USO1: variants seen among roughly 807,000 people sequenced by gnomAD.
USO1 encodes the protein general vesicular transport factor p115.
A neutral mutation model predicts 124.5 loss-of-function variants in USO1; 57 were observed. That is an observed-to-expected ratio of 0.46 (90% CI 0.37 to 0.57). The LOEUF is 0.57. Ranked by LOEUF, USO1 falls within the 20% of genes least tolerant of loss-of-function variation. The pLI, the probability that USO1 is intolerant of heterozygous loss-of-function variation, is 0.00. For missense variants in USO1, 900 were observed against 1,040.6 expected (o/e 0.86, Z 1.86); for synonymous variants, 369 against 362.8 (o/e 1.02, Z -0.19).
At chr4:75,764,337 A>G (rs1309173513) in intron 4 of USO1, among the ~76,000 whole-genome samples, 2 of 152,182 alleles carry the variant, frequency 1.3e-5, no homozygotes, top group African/African-American at 4.8e-5. Flanking sequence ...TAGTTAAATA[A>G]ACATAAATAC....
intron 21 of USO1, among the ~76,000 whole-genome samples, chr4:75,809,720 A>G (rs1184980855): frequency 1.3e-5 from 2 of 152,188 alleles, no homozygotes; most frequent in Non-Finnish European, 2.9e-5. Context: ...TATTTCTGCC[A>G]GCATTCTTCT....
chr4:75,777,462 C>G (rs1314510363), intron 8 of USO1, among the ~76,000 whole-genome samples: 1 of 152,070 alleles, frequency 6.6e-6, no homozygotes, highest in Non-Finnish European at 1.5e-5. Flanking sequence ...GGACTTGTAT[C>G]TAAAATATAT....
intron 8 of USO1, among the ~76,000 whole-genome samples, chr4:75,779,599 G>A (rs189688045): frequency 2.3e-4 from 35 of 152,318 alleles, no homozygotes; most frequent in East Asian, 1.9e-3. Context: ...CCAGAGTGAC[G>A]CCCTGACTCT....
At chr4:75,784,125 A>G (rs2149176603) in intron 9 of USO1, among the ~76,000 whole-genome samples, 1 of 152,294 alleles carries the variant, frequency 6.6e-6, no homozygotes, top group Non-Finnish European at 1.5e-5. Flanking sequence ...GGCTCAAGAA[A>G]TCCCCCCACC....
chr4:75,771,763 C>T (rs1721940536), intron 7 of USO1, among the ~76,000 whole-genome samples: 1 of 152,142 alleles, frequency 6.6e-6, no homozygotes. Context: ...TTTATATTTG[C>T]ATATAAGTTT....
At chr4:75,795,798 TATA>T (rs1254700715) in intron 13 of USO1, among the ~76,000 whole-genome samples, 1 of 152,204 alleles carries the variant, frequency 6.6e-6, no homozygotes, top group East Asian at 1.9e-4. Flanking sequence ...CAATAGTAAG[TATA>T]ATTTTATAAT....
chr4:75,808,146 G>A (rs1723046959), intron 20 of USO1, among the ~76,000 whole-genome samples: 1 of 152,192 alleles, frequency 6.6e-6, no homozygotes, highest in South Asian at 2.1e-4. Context: ...CTCCTGCTGA[G>A]AGCCATTGTT....
intron 4 of USO1, chr4:75,767,574 C>G: frequency 3.6e-6 from 1 of 277,496 alleles, no homozygotes; most frequent in Non-Finnish European, 7.2e-6. Flanking sequence ...GAAACCCCAT[C>G]TATACTAAAC....
At chr4:75,757,617 C>T in intron 4 of USO1, 44 bp downstream of exon 4, 2 of 1,352,752 alleles carry the variant, frequency 1.5e-6, no homozygotes, top group Non-Finnish European at 1.9e-6. Context: ...TACTTAAAAC[C>T]AACTGGGTTG....
intron 1 of USO1, among the ~76,000 whole-genome samples, chr4:75,747,588 A>C (rs1721160393): frequency 7.0e-6 from 1 of 141,866 alleles, no homozygotes; most frequent in African/African-American, 2.6e-5. Context: ...AGTTGTTCTT[A>C]TATTCACCTT....
intron 17 of USO1, among the ~76,000 whole-genome samples, chr4:75,803,846 T>C (rs1722920528): frequency 6.6e-6 from 1 of 152,112 alleles, no homozygotes; most frequent in African/African-American, 2.4e-5. Flanking sequence ...TTAAATGGTT[T>C]TATGACCATA....
intron 1 of USO1, among the ~76,000 whole-genome samples, chr4:75,737,119 G>A (rs1302161221): frequency 1.3e-5 from 2 of 152,168 alleles, no homozygotes; most frequent in Non-Finnish European, 2.9e-5. Flanking sequence ...ATTTAATGTA[G>A]TGGGAAAGCA....
rs566395957 is a variant in USO1, at chr4:75,774,782, G to A, written c.662G>A (p.Gly221Glu). The change falls in exon 8 of 24, where the codon GGG becomes GAG. Residue 221 changes from glycine to glutamate, a missense_variant. Physicochemically the swap from Gly to Glu is moderately conservative, Grantham distance 98. Transcript: ENST00000514213. ...ERLLDIISEE[G>E]NSDGGIVVED... is the part of the protein sequence containing the mutation. ...CTACTGGACATTATTTCAGAGGAGG[G>A]GAACAGTGATGGAGGTATAGTATGA... 6 of 1,613,318 alleles carry A rather than the reference G, an allele frequency of 3.7e-6. No individual in the cohort carries two copies. Among genetic ancestry groups the A allele is most frequent in the African/African-American group, 2.7e-5 (2 of 74,970 alleles).
intron 8 of USO1, among the ~76,000 whole-genome samples, chr4:75,776,041 C>T (rs898548171): frequency 6.6e-6 from 1 of 152,140 alleles, no homozygotes; most frequent in Non-Finnish European, 1.5e-5. Context: ...AGAAAGAAGA[C>T]TTTGAGCAAG....
intron 1 of USO1, among the ~76,000 whole-genome samples, chr4:75,727,277 A>T (rs1298544960): frequency 6.6e-6 from 1 of 152,212 alleles, no homozygotes; most frequent in Admixed American, 6.5e-5. Flanking sequence ...GCCACTGTGG[A>T]TGGAACAACA....
At chr4:75,788,718 A>G (rs6853135) in intron 10 of USO1, among the ~76,000 whole-genome samples, 3 of 151,268 alleles carry the variant, frequency 2.0e-5, no homozygotes, top group South Asian at 4.2e-4. Context: ...AATTTTTTGT[A>G]TTTTTAGTAG....
At chr4:75,739,803 A>G (rs1720906048) in intron 1 of USO1, among the ~76,000 whole-genome samples, 1 of 151,922 alleles carries the variant, frequency 6.6e-6, no homozygotes, top group Non-Finnish European at 1.5e-5. Context: ...TCAGCTTCCC[A>G]AAGTGCTGGG....
intron 1 of USO1, among the ~76,000 whole-genome samples, chr4:75,730,292 A>G (rs1720592604): frequency 6.6e-6 from 1 of 152,188 alleles, no homozygotes; most frequent in South Asian, 2.1e-4. Context: ...ATGTCCATGA[A>G]AAAAATTTTG....
intron 1 of USO1, chr4:75,744,740 T>G (rs1721072523): frequency 4.1e-6 from 1 of 241,426 alleles, no homozygotes; most frequent in Non-Finnish European, 8.3e-6. Flanking sequence ...TTGTTTTTTA[T>G]TATAAAAGTA....
Sources: allele counts gnomAD v4.1 joint callset (sites outside exome capture counted in the v4.1 genomes callset), GRCh38; gene constraint gnomAD v4.1.1; transcripts MANE v1.5; gene names NCBI Gene and HGNC (gene_info 2026-07-23, HGNC 2026-07-21).